FAM221A: variants seen among roughly 807,000 people sequenced by gnomAD.
The protein encoded by FAM221A is protein FAM221A.
In FAM221A, 43 loss-of-function variants were observed where a neutral mutation model predicts 37.6. That is an observed-to-expected ratio of 1.15 (90% CI 0.90 to 1.48). The LOEUF (loss-of-function observed/expected upper bound fraction) is 1.48, where lower values mean the gene tolerates loss of function less well. Among genes scored for constraint, FAM221A ranks in the 40% most tolerant of loss-of-function variants. The pLI is 0.00. For missense variants in FAM221A, 361 were observed against 361.5 expected (o/e 1.00, Z 0.01); for synonymous variants, 135 against 132.9 (o/e 1.02, Z -0.11).
chr7:23,682,292 C>T (rs924522188), intron 1 of FAM221A, among the ~76,000 whole-genome samples: 5 of 151,592 alleles, frequency 3.3e-5, no homozygotes, highest in African/African-American at 1.2e-4. Flanking sequence ...TCTTGAGATC[C>T]TGGCCTCAAG....
At chr7:23,685,243 GTC>G (rs1433829663) in intron 2 of FAM221A, among the ~76,000 whole-genome samples, 13 of 149,214 alleles carry the variant, frequency 8.7e-5, no homozygotes, top group Non-Finnish European at 1.6e-4. Flanking sequence ...GTGAGACTCT[GTC>G]TCAAAACAAA....
At chr7:23,701,403 C>A (rs1325249214) in intron 6 of FAM221A, among the ~76,000 whole-genome samples, 6 of 151,862 alleles carry the variant, frequency 4.0e-5, no homozygotes, top group Non-Finnish European at 8.8e-5. Context: ...CCATGCCCAG[C>A]TAATTTTTTG....
intron 2 of FAM221A, 80 bp from the exon 3 acceptor site, chr7:23,689,189 T>A (rs1016714011): frequency 3.6e-5 from 33 of 915,706 alleles, no homozygotes; most frequent in Non-Finnish European, 5.0e-5. Context: ...AAATCATATC[T>A]GCCTTTAATA....
intron 3 of FAM221A, among the ~76,000 whole-genome samples, chr7:23,690,186 TATATATATATATA>T (rs1259109144): frequency 7.3e-5 from 4 of 54,704 alleles, no homozygotes; most frequent in South Asian, 1.3e-3. Context: ...TATATATATA[TATATATATATATA>T]TTTTTTTTTT....
chr7:23,698,607 TA>T (rs993788868), intron 5 of FAM221A, among the ~76,000 whole-genome samples: 10 of 152,224 alleles, frequency 6.6e-5, no homozygotes, highest in African/African-American at 2.2e-4. Flanking sequence ...TCTGGCGGCC[TA>T]ATTGCCTTTG....
At chr7:23,687,168 G>C (rs1340955065) in intron 2 of FAM221A, 1 of 152,190 alleles carries the variant, frequency 6.6e-6, no homozygotes, top group African/African-American at 2.4e-5. Context: ...ACATTGTTAT[G>C]TGCTGATCAA....
At position 23,700,824 on chromosome 7, in the gene FAM221A, G is replaced by A. The variant is rs1390775622; in HGVS notation, c.784G>A (p.Glu262Lys). The change falls in exon 6 of 7, where the codon GAA becomes AAA. Residue 262 changes from glutamate (E) to lysine (K), a missense_variant. Glu to Lys is a moderately conservative substitution (Grantham distance 56, BLOSUM62 1). Coordinates refer to ENST00000344962, the MANE Select transcript of FAM221A (RefSeq NM_199136.5). ...TCAAGTTTCTTCATTAAGGAGACCT[G>A]AAGAGGATGATATGGCTTTCTTTGA... ...SSQVSSLRRP[E>K]EDDMAFFERR... The A allele has an allele frequency of 3.1e-6, 5 of 1,608,948 alleles. No individual in the cohort carries two copies. The highest frequency in any genetic ancestry group is 4.2e-6 in the Non-Finnish European group (5 of 1,178,634).
intron 6 of FAM221A, among the ~76,000 whole-genome samples, chr7:23,701,278 C>A (rs546896073): frequency 1.6e-5 from 2 of 124,568 alleles, no homozygotes; most frequent in African/African-American, 6.3e-5. Context: ...CTTGGTCTGT[C>A]GCCCAGGCTG....
chr7:23,698,413 G>T, intron 5 of FAM221A, 114 bp downstream of exon 5: 5 of 665,962 alleles, frequency 7.5e-6, no homozygotes, highest in African/African-American at 1.9e-5. Context: ...TTAACTTCAA[G>T]TTAAGCTATC....
downstream of FAM221A, chr7:23,702,888 G>GCT (rs1193640723): frequency 6.6e-6 from 1 of 152,248 alleles, no homozygotes; most frequent in African/African-American, 2.4e-5. Context: ...GCATGTCATG[G>GCT]CTCTCTTGCT....
chr7:23,691,132 G>T (rs1381061434), intron 3 of FAM221A, among the ~76,000 whole-genome samples: 2 of 151,806 alleles, frequency 1.3e-5, no homozygotes, highest in East Asian at 1.9e-4. Context: ...TGAGGAGAGG[G>T]TCTGCATTAC....
rs35928055 is a variant in FAM221A, at chr7:23,698,272, A to G, written c.718A>G (p.Ser240Gly). 112,277 of 1,582,698 alleles carry G rather than the reference A, an allele frequency of 0.071. 4,383 individuals are homozygous for G. The highest frequency in any genetic ancestry group is 0.14 in the Middle Eastern group (862 of 6,014). The stretch of plus-strand genomic sequence containing the variant: ...CCTAAAAGCATTTCAAGCATCATCT[A>G]GTTCTTCTCCAGAAACGTTAACAGA... Reference protein sequence around the residue: ...PFLKAFQASSSSSPETLTDVG... With the variant: ...PFLKAFQASSGSSPETLTDVG... The change falls in exon 5 of 7, where the codon AGT becomes GGT. Residue 240 changes from serine (S) to glycine (G), a missense_variant. Transcript: ENST00000344962.
At chr7:23,687,911 C>G (rs1470920580) in intron 2 of FAM221A, 2 of 152,198 alleles carry the variant, frequency 1.3e-5, no homozygotes, top group Admixed American at 1.3e-4. Flanking sequence ...TCCCAAAGTG[C>G]TGGGATTACA....
At chr7:23,683,374 G>C (rs1784177846) in intron 1 of FAM221A, among the ~76,000 whole-genome samples, 1 of 152,180 alleles carries the variant, frequency 6.6e-6, no homozygotes, top group African/African-American at 2.4e-5. Flanking sequence ...CTTGTGCTGA[G>C]CCAAGTGTGT....
chr7:23,695,002 C>A (rs1784967518), intron 4 of FAM221A: 1 of 151,860 alleles, frequency 6.6e-6, no homozygotes, highest in South Asian at 2.1e-4. Context: ...TGGGGTTTTG[C>A]TTTGTTTTCC....
intron 1 of FAM221A, chr7:23,680,597 C>T (rs188714823): frequency 2.8e-6 from 1 of 353,002 alleles, no homozygotes; most frequent in Non-Finnish European, 5.1e-6. Flanking sequence ...AAAACAGGCA[C>T]ATCGAGTACT....
At chr7:23,699,758 T>G (rs1785293723) in intron 5 of FAM221A, among the ~76,000 whole-genome samples, 1 of 151,988 alleles carries the variant, frequency 6.6e-6, no homozygotes, top group African/African-American at 2.4e-5. Flanking sequence ...CCCAGGCTGG[T>G]CTCGAACTCT....
At chr7:23,684,698 T>C in intron 2 of FAM221A, 26 bp downstream of exon 2, 1 of 1,563,660 alleles carries the variant, frequency 6.4e-7, no homozygotes, top group Non-Finnish European at 8.6e-7. Context: ...GCAAAGTTTT[T>C]TGATAATTAG....
At chr7:23,697,185 C>T (rs965503704) in intron 4 of FAM221A, among the ~76,000 whole-genome samples, 4 of 152,226 alleles carry the variant, frequency 2.6e-5, no homozygotes, top group Non-Finnish European at 5.9e-5. Flanking sequence ...TGGGCCAGAG[C>T]CCCTTCTCCC....
Sources: gnomAD v4.1 joint callset for allele counts (sites outside exome capture counted in the v4.1 genomes callset) on GRCh38, gnomAD v4.1.1 for gene constraint, MANE v1.5 for transcripts, NCBI Gene and HGNC (gene_info 2026-07-23, HGNC 2026-07-21) for gene names.